Variants in ADAM19 observed in about 807,000 individuals in gnomAD.
The protein encoded by ADAM19 is ADAM metallopeptidase domain 19.
In ADAM19, 65 loss-of-function variants were observed where a neutral mutation model predicts 114.7. The ratio of observed to expected loss-of-function variants is 0.57; its 90% CI spans 0.46 to 0.70. The LOEUF is 0.70. ADAM19 is among the 30% of genes least tolerant of loss of function. The pLI is 0.00. For synonymous variants in ADAM19, 466 were observed against 460.5 expected (o/e 1.01, Z -0.15); for missense variants, 1,063 against 1,204.7 (o/e 0.88, Z 1.74).
intron 5 of ADAM19, among the ~76,000 whole-genome samples, chr5:157,527,339 T>C (rs1357637945): frequency 1.3e-5 from 2 of 152,178 alleles, no homozygotes; most frequent in Non-Finnish European, 2.9e-5. Flanking sequence ...GCCTCCCGAA[T>C]AGCTGGGACT....
intron 3 of ADAM19, among the ~76,000 whole-genome samples, chr5:157,551,388 AGCATGATT>A (rs1266029089): frequency 7.0e-6 from 1 of 143,098 alleles, no homozygotes; most frequent in Non-Finnish European, 1.5e-5. Context: ...TAAGCAACAG[AGCATGATT>A]CTGTCCCCCC....
intron 2 of ADAM19, among the ~76,000 whole-genome samples, chr5:157,564,688 T>C (rs1757605718): frequency 6.6e-6 from 1 of 152,210 alleles, no homozygotes; most frequent in African/African-American, 2.4e-5. Flanking sequence ...TGTAAGTGTA[T>C]GTATGTGGTG....
At chr5:157,526,393 A>T (rs139756168) in intron 5 of ADAM19, among the ~76,000 whole-genome samples, 44 of 152,286 alleles carry the variant, frequency 2.9e-4, no homozygotes, top group African/African-American at 1.0e-3. Flanking sequence ...GATAATTTTT[A>T]ACAAAAAAAA....
At chr5:157,510,560 GAT>G (rs1270301628) in intron 8 of ADAM19, among the ~76,000 whole-genome samples, 29 of 152,320 alleles carry the variant, frequency 1.9e-4, no homozygotes, top group African/African-American at 6.3e-4. Context: ...CATGTCTATT[GAT>G]AGTCATTTCC....
chr5:157,551,485 G>C (rs1339513551), intron 3 of ADAM19, among the ~76,000 whole-genome samples: 1 of 150,928 alleles, frequency 6.6e-6, no homozygotes, highest in African/African-American at 2.4e-5. Context: ...AAACATTGGG[G>C]AAAATCTCCA....
chr5:157,488,336 T>C lies in ADAM19; in HGVS notation c.2479A>G (p.Arg827Gly). ...NSPGPGSQIE[R>G]TESSRRPPPS... is the part of the protein sequence containing the mutation. ...GGAGGCCTCCTGGACGACTCCGTCC[T>C]CTCTATTTGAGACCCGGGCCCTGGG... is the stretch of plus-strand genomic sequence containing the variant. The change falls in exon 21 of 23, where the codon AGG becomes GGG. Residue 827 changes from arginine (R) to glycine (G), a missense_variant. Arg to Gly is a moderately radical substitution (Grantham distance 125). This residue lies in a region of ADAM19 where 424 missense variants were observed against 445.5 expected (regional missense o/e 0.95). Coordinates refer to ENST00000257527, the MANE Select transcript of ADAM19 (RefSeq NM_033274.5). 6.2e-7 allele frequency: 1 copy of C among 1,614,206 alleles called. No homozygotes were observed. The highest frequency in any genetic ancestry group is 1.3e-5 in the African/African-American group (1 of 75,048).
intron 15 of ADAM19, 74 bp downstream of exon 15, chr5:157,494,613 T>C (rs1755294386): frequency 3.9e-6 from 5 of 1,269,604 alleles, no homozygotes; most frequent in Non-Finnish European, 5.7e-6. Flanking sequence ...CACTGCTGAG[T>C]TGGGCAACAG....
intron 3 of ADAM19, among the ~76,000 whole-genome samples, chr5:157,551,061 T>A (rs563308819): frequency 9.2e-5 from 14 of 152,238 alleles, no homozygotes; most frequent in Non-Finnish European, 1.8e-4. Context: ...ACTAGGCCCC[T>A]ATCTCTCATT....
chr5:157,546,904 T>C (rs1757066173), intron 3 of ADAM19, among the ~76,000 whole-genome samples: 1 of 152,208 alleles, frequency 6.6e-6, no homozygotes, highest in African/African-American at 2.4e-5. Context: ...ATGATATCAT[T>C]GTTTTCAACA....
Position 157,507,122 on chromosome 5 carries a change from G to C in ADAM19, c.924C>G (p.Gly308=). Reference sequence around the variant, plus strand: ...TGAGGGGGGCCAGGCCGATGGTGGTGCCGTGGAAGGACATGCCCCTGCAGG... The same window carrying C: ...TGAGGGGGGCCAGGCCGATGGTGGTCCCGTGGAAGGACATGCCCCTGCAGG... The part of the protein sequence containing the change: ...AQLITGMSFH[G]TTIGLAPLMA... The change falls in exon 10 of 23, where the codon GGC becomes GGG. Residue 308 remains glycine, a synonymous_variant. Transcript: ENST00000257527. The C allele has an allele frequency of 6.2e-7, 1 of 1,613,612 alleles. No individual in the cohort carries two copies. The highest frequency in any genetic ancestry group is 8.5e-7 in the Non-Finnish European group (1 of 1,179,818).
At chr5:157,504,864 A>G (rs1313727379) in intron 11 of ADAM19, among the ~76,000 whole-genome samples, 1 of 151,896 alleles carries the variant, frequency 6.6e-6, no homozygotes, top group Non-Finnish European at 1.5e-5. Flanking sequence ...TCACACCTGT[A>G]ATCCCAGCAC....
At chr5:157,561,725 C>G (rs949794772) in intron 3 of ADAM19, among the ~76,000 whole-genome samples, 1 of 152,128 alleles carries the variant, frequency 6.6e-6, no homozygotes, top group Non-Finnish European at 1.5e-5. Context: ...AGCTCCCATT[C>G]TACCTCCACA....
At position 157,477,779 on chromosome 5, in the gene ADAM19, C is replaced by T. The variant is rs1285528408; in HGVS notation, c.*3170G>A. ...TTAGGAAGTAGGCAGGGAGAGACTT[C>T]CAATAAAGATTGGAAAGGCGTATTG... On this transcript the variant is annotated 3_prime_UTR_variant, in exon 23 of 23. Coordinates refer to ENST00000257527, the MANE Select transcript of ADAM19 (RefSeq NM_033274.5). 7.9e-7 allele frequency: 1 copy of T among 1,263,974 alleles called. No homozygotes were observed. The highest frequency in any genetic ancestry group is 1.0e-6 in the Non-Finnish European group (1 of 965,696). The allele number at this position is 1,263,974 out of a possible 1,614,324, so 78.3% of individuals were successfully genotyped here. A position where few individuals can be genotyped will look rare whatever the true frequency, so the allele number is the denominator to read the frequency against.
intron 13 of ADAM19, among the ~76,000 whole-genome samples, chr5:157,497,693 C>T (rs1312970470): frequency 1.3e-5 from 2 of 152,178 alleles, no homozygotes; most frequent in Non-Finnish European, 2.9e-5. Flanking sequence ...GAGTGTGTGA[C>T]ATACACGTAT....
intron 12 of ADAM19, among the ~76,000 whole-genome samples, chr5:157,499,912 C>G (rs1755504472): frequency 1.3e-5 from 2 of 151,612 alleles, no homozygotes; most frequent in Non-Finnish European, 2.9e-5. Flanking sequence ...CGAAGTAACT[C>G]AGACCACAGG....
intron 21 of ADAM19, among the ~76,000 whole-genome samples, chr5:157,482,867 T>C (rs183318220): frequency 0.01 from 1,529 of 152,286 alleles, 25 homozygotes; most frequent in African/African-American, 0.035. Flanking sequence ...CATGGAATAC[T>C]ATGCAGCCAT....
chr5:157,512,361 T>A (rs1365777821), intron 8 of ADAM19, among the ~76,000 whole-genome samples: 1 of 152,240 alleles, frequency 6.6e-6, no homozygotes, highest in Non-Finnish European at 1.5e-5. Flanking sequence ...CTCTAGTGTT[T>A]AGGAAAAAAT....
intron 3 of ADAM19, among the ~76,000 whole-genome samples, chr5:157,539,321 C>T (rs1219562979): frequency 6.6e-6 from 1 of 152,132 alleles, no homozygotes; most frequent in Non-Finnish European, 1.5e-5. Flanking sequence ...TAATTTAAAA[C>T]TGCTCTTAAA....
chr5:157,517,385 C>T (rs987088843), intron 7 of ADAM19, among the ~76,000 whole-genome samples: 1 of 152,234 alleles, frequency 6.6e-6, no homozygotes, highest in Non-Finnish European at 1.5e-5. Flanking sequence ...GCGCTCAGCT[C>T]ATAATGACAT....
Sources: allele counts gnomAD v4.1 joint callset (sites outside exome capture counted in the v4.1 genomes callset), GRCh38; gene constraint gnomAD v4.1.1; regional missense constraint gnomAD v4.1.1; transcripts MANE v1.5; gene names NCBI Gene and HGNC (gene_info 2026-07-23, HGNC 2026-07-21).